The following HECW2 variants were observed in gnomAD, a reference collection of about 807,000 sequenced individuals.
HECW2 encodes HECT, C2 and WW domain containing E3 ubiquitin protein ligase 2, also known as E3 ubiquitin-protein ligase HECW2.
A neutral mutation model predicts 175.2 loss-of-function variants in HECW2; 61 were observed. The ratio of observed to expected loss-of-function variants is 0.35; its 90% CI spans 0.28 to 0.43. The LOEUF (loss-of-function observed/expected upper bound fraction) is 0.43, where lower values mean the gene tolerates loss of function less well. HECW2 is among the 20% of genes least tolerant of loss of function. HECW2 has a pLI of 1.00. For synonymous variants in HECW2, 671 were observed against 731.0 expected (o/e 0.92, Z 1.32); for missense variants, 1,524 against 2,000.5 (o/e 0.76, Z 4.54).
chr2:196,532,892 G>A (rs1688890815), intron 1 of HECW2, among the ~76,000 whole-genome samples: 1 of 152,166 alleles, frequency 6.6e-6, no homozygotes, highest in East Asian at 1.9e-4. Flanking sequence ...GTGGCTCAGT[G>A]AACTCTTCTG....
chr2:196,436,618 T>C (rs1239046442), intron 1 of HECW2, among the ~76,000 whole-genome samples: 2 of 152,098 alleles, frequency 1.3e-5, no homozygotes, highest in African/African-American at 4.8e-5. Flanking sequence ...TTGTTTTCAG[T>C]GAAAGAACAA....
intron 1 of HECW2, among the ~76,000 whole-genome samples, chr2:196,559,404 C>T (rs1689920532): frequency 6.6e-6 from 1 of 152,196 alleles, no homozygotes; most frequent in Non-Finnish European, 1.5e-5. Flanking sequence ...ATAAGTAAGA[C>T]ATCTAAGAAA....
At chr2:196,439,411 G>A (rs896538707) in intron 1 of HECW2, among the ~76,000 whole-genome samples, 2 of 152,122 alleles carry the variant, frequency 1.3e-5, no homozygotes, top group Admixed American at 6.6e-5. Context: ...AGAAGAAAAC[G>A]TCCATCCTTC....
chr2:196,395,813 T>A (rs564327965), intron 2 of HECW2, among the ~76,000 whole-genome samples: 1 of 152,074 alleles, frequency 6.6e-6, no homozygotes, highest in African/African-American at 2.4e-5. Context: ...CTATGAAAAA[T>A]TATACGGTAA....
intron 1 of HECW2, among the ~76,000 whole-genome samples, chr2:196,527,925 A>C (rs1688724551): frequency 6.6e-6 from 1 of 152,238 alleles, no homozygotes; most frequent in Non-Finnish European, 1.5e-5. Flanking sequence ...ACCAGGTTTC[A>C]CTTCTGATTA....
intron 2 of HECW2, among the ~76,000 whole-genome samples, chr2:196,373,823 G>A (rs1693972224): frequency 6.6e-6 from 1 of 152,074 alleles, no homozygotes; most frequent in Non-Finnish European, 1.5e-5. Context: ...ACGAGGTCAG[G>A]AGATCGAGAC....
At chr2:196,590,745 G>A (rs1206435900) in intron 1 of HECW2, among the ~76,000 whole-genome samples, 2 of 152,176 alleles carry the variant, frequency 1.3e-5, no homozygotes, top group African/African-American at 4.8e-5. Flanking sequence ...AAACGCCAAA[G>A]CATCTGTCCT....
chr2:196,230,645 A>C (rs147905177), intron 21 of HECW2, among the ~76,000 whole-genome samples: 16 of 152,264 alleles, frequency 1.1e-4, no homozygotes, highest in Non-Finnish European at 1.9e-4. Flanking sequence ...ACTCCTCGAC[A>C]CTTTTCTCCG....
chr2:196,375,295 A>C (rs947928308), intron 2 of HECW2, among the ~76,000 whole-genome samples: 1 of 152,254 alleles, frequency 6.6e-6, no homozygotes, highest in African/African-American at 2.4e-5. Flanking sequence ...CATCAATTTA[A>C]ATCAAACATA....
At chr2:196,274,797 A>G (rs1399473855) in intron 15 of HECW2, among the ~76,000 whole-genome samples, 1 of 152,140 alleles carries the variant, frequency 6.6e-6, no homozygotes, top group Non-Finnish European at 1.5e-5. Flanking sequence ...AGATTTAGAA[A>G]CTCATACACA....
intron 1 of HECW2, among the ~76,000 whole-genome samples, chr2:196,494,894 T>C (rs1687336024): frequency 6.6e-6 from 1 of 152,116 alleles, no homozygotes. Context: ...TTATTACAAA[T>C]CCAGGCTGCA....
chr2:196,556,149 C>T (rs73989994), intron 1 of HECW2, among the ~76,000 whole-genome samples: 7,694 of 152,158 alleles, frequency 0.051, 643 homozygotes, highest in African/African-American at 0.17. Flanking sequence ...TTTTCTTCTT[C>T]TTGCAGCTTC....
At chr2:196,286,786 A>T (rs1196995057) in intron 14 of HECW2, among the ~76,000 whole-genome samples, 1 of 152,262 alleles carries the variant, frequency 6.6e-6, no homozygotes, top group Non-Finnish European at 1.5e-5. Flanking sequence ...CTAAGCAATT[A>T]AAAATGTGTC....
intron 1 of HECW2, among the ~76,000 whole-genome samples, chr2:196,439,921 A>C (rs1429467636): frequency 6.6e-6 from 1 of 152,172 alleles, no homozygotes; most frequent in African/African-American, 2.4e-5. Context: ...AGAAAATATC[A>C]ATCAGGAATG....
Position 196,233,072 on chromosome 2 carries a change from C to T in HECW2, c.3765-4818G>A, listed in dbSNP as rs187729141. Among the ~76,000 whole-genome samples the T allele has an allele frequency of 1.2e-3, 181 of 152,310 alleles. 2 individuals carry two copies. The Middle Eastern group carries it at 0.027, about 23-fold the overall frequency. On this transcript the variant is annotated intron_variant, in intron 21 of 28. Coordinates refer to ENST00000644978, the MANE Select transcript of HECW2 (RefSeq NM_001348768.2). ...ACATGTCACAGCAGGGTACATCATG[C>T]CTTTGCTTCCTGTAATGTCTTAGCA...
intron 2 of HECW2, among the ~76,000 whole-genome samples, chr2:196,351,121 G>C (rs1371038395): frequency 2.6e-5 from 4 of 151,984 alleles, no homozygotes; most frequent in Non-Finnish European, 5.9e-5. Flanking sequence ...CCCTGGAAAA[G>C]TTGATAATTA....
chr2:196,225,702 A>G, intron 23 of HECW2, 70 bp downstream of exon 23: 2 of 942,462 alleles, frequency 2.1e-6, no homozygotes, highest in Non-Finnish European at 3.5e-6. Context: ...ACTTTGACAG[A>G]AGAATTTTTT....
In HECW2 at chr2:196,558,588, T is replaced by A. The variant is rs189539267; in HGVS notation, c.-36+34920A>T. 5.9e-4 allele frequency among the ~76,000 whole-genome samples: 90 copies of A among 152,386 alleles called. No individual in the cohort carries two copies. In the East Asian group the frequency reaches 9.2e-3, roughly 16 times the overall value. ...CCAAAGCTCTTTTTACCACTTGCTA[T>A]TGTTTTAAGCACGTAGTCCCTTTTC... On this transcript the variant is annotated intron_variant, in intron 1 of 28. Transcript: ENST00000644978.
intron 11 of HECW2, among the ~76,000 whole-genome samples, chr2:196,307,666 TA>T (rs1171861043): frequency 6.6e-6 from 1 of 152,212 alleles, no homozygotes; most frequent in African/African-American, 2.4e-5. Flanking sequence ...TCTGCTTTAG[TA>T]AACATCAATG....
Sources: gnomAD v4.1 joint callset for allele counts (sites outside exome capture counted in the v4.1 genomes callset) on GRCh38, gnomAD v4.1.1 for gene constraint, MANE v1.5 for transcripts, NCBI Gene and HGNC (gene_info 2026-07-23, HGNC 2026-07-21) for gene names.